Variants in IL1RAPL1 observed in about 807,000 individuals in gnomAD.
IL1RAPL1 encodes the protein interleukin 1 receptor accessory protein like 1.
Under a neutral mutation model 48.4 loss-of-function variants are expected in IL1RAPL1, and 3 were observed. The ratio of observed to expected loss-of-function variants is 0.06; its 90% CI spans 0.03 to 0.16. The LOEUF (loss-of-function observed/expected upper bound fraction) is 0.16, where lower values mean the gene tolerates loss of function less well. Among genes scored for constraint, IL1RAPL1 ranks in the 10% least tolerant of loss-of-function variants. IL1RAPL1 has a pLI of 1.00. For synonymous variants in IL1RAPL1, 185 were observed against 187.7 expected, an observed-to-expected ratio of 0.99 and a Z score of 0.12; for missense variants, 349 against 530.6, an observed-to-expected ratio of 0.66 and a Z score of 3.36.
chrX:29,546,790 T>C (rs967287368), intron 5 of IL1RAPL1, among the ~76,000 whole-genome samples: 1 of 112,273 alleles, frequency 8.9e-6, no homozygotes, highest in Non-Finnish European at 1.9e-5. Flanking sequence ...AGCCTGAGCC[T>C]TCTCCTCTCC....
intron 2 of IL1RAPL1, among the ~76,000 whole-genome samples, chrX:29,138,615 A>T (rs1160053808): frequency 9.3e-6 from 1 of 107,217 alleles, no homozygotes; most frequent in African/African-American, 3.4e-5. Flanking sequence ...TAAAAATTAA[A>T]AAAAAAAAAA....
chrX:29,082,439 G>GT (rs1206413950), intron 2 of IL1RAPL1, among the ~76,000 whole-genome samples: 3 of 112,127 alleles, frequency 2.7e-5, no homozygotes, highest in Non-Finnish European at 5.6e-5. Flanking sequence ...AGCTGCAGTT[G>GT]TTTTTTGGTT....
chrX:29,913,021 G>A (rs907164411), intron 6 of IL1RAPL1, among the ~76,000 whole-genome samples: 10 of 111,096 alleles, frequency 9.0e-5, no homozygotes, highest in Non-Finnish European at 1.9e-4. Flanking sequence ...AATACAGTTG[G>A]GTTCCAACGT....
intron 5 of IL1RAPL1, among the ~76,000 whole-genome samples, chrX:29,418,123 A>ATTTTTTT (rs1477273573): frequency 6.8e-5 from 2 of 29,477 alleles, no homozygotes; most frequent in African/African-American, 3.3e-4. Flanking sequence ...ATATATATAT[A>ATTTTTTT]TATTTTTTTT....
intron 2 of IL1RAPL1, among the ~76,000 whole-genome samples, chrX:29,185,386 G>A (rs915210070): frequency 3.6e-5 from 4 of 111,344 alleles, no homozygotes; most frequent in Non-Finnish European, 7.5e-5. Context: ...ATGACTTTGG[G>A]GAAATTACTT....
intron 8 of IL1RAPL1, among the ~76,000 whole-genome samples, chrX:29,922,995 C>T (rs1932858368): frequency 8.9e-6 from 1 of 112,035 alleles, no homozygotes; most frequent in Non-Finnish European, 1.9e-5. Flanking sequence ...CCTTCCAGGA[C>T]ATTCCTTTGC....
chrX:29,401,356 A>G (rs1221988576), intron 5 of IL1RAPL1, among the ~76,000 whole-genome samples: 1 of 111,586 alleles, frequency 9.0e-6, no homozygotes, highest in African/African-American at 3.3e-5. Flanking sequence ...ATGCCCTAGA[A>G]TTAAGAACAG....
intron 2 of IL1RAPL1, among the ~76,000 whole-genome samples, chrX:29,100,274 T>A (rs979340690): frequency 8.9e-6 from 1 of 112,084 alleles, no homozygotes; most frequent in Non-Finnish European, 1.9e-5. Flanking sequence ...GAGCAAATAA[T>A]GATTTACAAA....
intron 1 of IL1RAPL1, among the ~76,000 whole-genome samples, chrX:28,760,164 T>C (rs1936152056): frequency 9.0e-6 from 1 of 111,676 alleles, no homozygotes; most frequent in Non-Finnish European, 1.9e-5. Flanking sequence ...ATTATGTGAA[T>C]AATAATTATT....
intron 1 of IL1RAPL1, among the ~76,000 whole-genome samples, chrX:28,729,590 C>G (rs1050599655): frequency 9.0e-6 from 1 of 110,749 alleles, no homozygotes. Context: ...TGGAAATACT[C>G]TAGCATTCTA....
At chrX:29,645,126 T>A (rs1273082032) in intron 5 of IL1RAPL1, among the ~76,000 whole-genome samples, 8 of 112,801 alleles carry the variant, frequency 7.1e-5, no homozygotes, top group Non-Finnish European at 7.5e-5. Context: ...ATAAATTTCT[T>A]AAAGAAGGAT....
intron 3 of IL1RAPL1, among the ~76,000 whole-genome samples, chrX:29,291,527 G>A (rs1435510485): frequency 9.0e-6 from 1 of 110,704 alleles, no homozygotes; most frequent in Non-Finnish European, 1.9e-5. Flanking sequence ...TCTACATTAG[G>A]TATTTCTCCT....
At chrX:28,959,455 G>A (rs1415410943) in intron 2 of IL1RAPL1, among the ~76,000 whole-genome samples, 4 of 111,686 alleles carry the variant, frequency 3.6e-5, no homozygotes, top group South Asian at 7.4e-4. Context: ...CAGTATAAGA[G>A]AGTGTTTGTT....
At chrX:28,987,903 T>G (rs940524670) in intron 2 of IL1RAPL1, among the ~76,000 whole-genome samples, 5 of 111,977 alleles carry the variant, frequency 4.5e-5, no homozygotes, top group Admixed American at 9.5e-5. Flanking sequence ...AATTCAGCCC[T>G]GCTTTTGAGC....
At chrX:29,602,435 T>A (rs6630915) in intron 5 of IL1RAPL1, among the ~76,000 whole-genome samples, 26,153 of 110,977 alleles carry the variant, frequency 0.24, 2,511 homozygotes, top group South Asian at 0.48. Flanking sequence ...TACAAAAAAA[T>A]ACAAAAATAA....
intron 6 of IL1RAPL1, among the ~76,000 whole-genome samples, chrX:29,879,912 C>T (rs956786927): frequency 9.0e-6 from 1 of 111,021 alleles, no homozygotes. Flanking sequence ...TTAATAGTTT[C>T]GTGCCTAAGA....
At chrX:29,752,997 C>T (rs1928528167) in intron 6 of IL1RAPL1, among the ~76,000 whole-genome samples, 1 of 111,131 alleles carries the variant, frequency 9.0e-6, no homozygotes, top group African/African-American at 3.3e-5. Context: ...AATGAGACTC[C>T]ATAAAGAGAG....
chrX:28,896,049 T>C (rs1415588218), intron 2 of IL1RAPL1, among the ~76,000 whole-genome samples: 6 of 112,202 alleles, frequency 5.3e-5, no homozygotes, highest in Admixed American at 3.7e-4. Flanking sequence ...TTCCGGCACT[T>C]GTAGCAAGCT....
intron 1 of IL1RAPL1, among the ~76,000 whole-genome samples, chrX:28,698,902 A>G (rs1281854465): frequency 3.6e-5 from 4 of 112,289 alleles, no homozygotes; most frequent in Non-Finnish European, 5.6e-5. Flanking sequence ...CACAGAAAGA[A>G]GTTCAAGCAC....
Sources: allele counts gnomAD v4.1 joint callset (sites outside exome capture counted in the v4.1 genomes callset), GRCh38; gene constraint gnomAD v4.1.1; transcripts MANE v1.5; gene names NCBI Gene and HGNC (gene_info 2026-07-23, HGNC 2026-07-21).